The following E2F3 variants were observed in gnomAD, a reference collection of about 807,000 sequenced individuals.
E2F3 encodes the protein transcription factor E2F3.
E2F3 carries 11 observed loss-of-function variants against 44.4 expected under a neutral mutation model. That is an observed-to-expected ratio of 0.25 (90% CI 0.16 to 0.41). The LOEUF (loss-of-function observed/expected upper bound fraction) is 0.41. E2F3 is among the 10% of genes least tolerant of loss of function. E2F3 has a pLI of 1.00. For synonymous variants in E2F3, 249 were observed against 253.0 expected, an observed-to-expected ratio of 0.98 and a Z score of 0.15; for missense variants, 487 against 583.6, an observed-to-expected ratio of 0.83 and a Z score of 1.70.
intron 1 of E2F3, among the ~76,000 whole-genome samples, chr6:20,430,639 T>C (rs2127592999): frequency 6.6e-6 from 1 of 152,316 alleles, no homozygotes; most frequent in East Asian, 1.9e-4. Context: ...AAAAATCCTT[T>C]TTATGGGTTG....
intron 1 of E2F3, among the ~76,000 whole-genome samples, chr6:20,411,742 G>C (rs1368898478): frequency 6.6e-6 from 1 of 152,170 alleles, no homozygotes; most frequent in Non-Finnish European, 1.5e-5. Context: ...TCAAGGGAAG[G>C]CGTAGGCACA....
intron 1 of E2F3, among the ~76,000 whole-genome samples, chr6:20,465,586 C>T (rs1761674718): frequency 6.6e-6 from 1 of 152,098 alleles, no homozygotes; most frequent in African/African-American, 2.4e-5. Context: ...ACACTGCACC[C>T]AATTTGTAGT....
intron 1 of E2F3, among the ~76,000 whole-genome samples, chr6:20,405,902 A>T (rs2127583187): frequency 6.6e-6 from 1 of 152,280 alleles, no homozygotes; most frequent in East Asian, 1.9e-4. Context: ...CTGAATATAA[A>T]GTTTGATTTA....
chr6:20,462,668 G>C (rs532314561), intron 1 of E2F3, among the ~76,000 whole-genome samples: 9 of 151,870 alleles, frequency 5.9e-5, no homozygotes, highest in Non-Finnish European at 1.2e-4. Context: ...AGGTTGGTGA[G>C]GCTGGTCTTG....
rs770596374 is a variant in E2F3 at position 20,402,492 on chromosome 6, G to C, written c.260G>C (p.Ser87Thr). 3.1e-6 allele frequency: 5 copies of C among 1,606,606 alleles called. No homozygotes were observed. The East Asian group carries it at 9.0e-5, about 29-fold the overall frequency. Reference protein sequence around the residue: ...GAVAAGPLLPSAPGAEQTAGS... With the variant: ...GAVAAGPLLPTAPGAEQTAGS... ...GTAGCCGCCGGCCCCCTCCTCCCCAGTGCCCCCGGCGCGGAGCAGACCGCC... is the reference window on the plus strand; with the variant it reads ...GTAGCCGCCGGCCCCCTCCTCCCCACTGCCCCCGGCGCGGAGCAGACCGCC... The change falls in exon 1 of 7, where the codon AGT (serine) becomes ACT (threonine). Residue 87 changes from serine to threonine, a missense_variant. Coordinates refer to ENST00000346618, the MANE Select transcript of E2F3 (RefSeq NM_001949.5). The surrounding 1 kb of genome is among the most constrained non-coding windows in gnomAD (Gnocchi z 5.6).
At chr6:20,471,565 G>T (rs1581641295) in intron 1 of E2F3, among the ~76,000 whole-genome samples, 1 of 152,138 alleles carries the variant, frequency 6.6e-6, no homozygotes, top group Non-Finnish European at 1.5e-5. Flanking sequence ...TGGGCAAAAA[G>T]AGCGAAACTC....
At chr6:20,418,690 A>G (rs74499908) in intron 1 of E2F3, among the ~76,000 whole-genome samples, 1 of 152,024 alleles carries the variant, frequency 6.6e-6, no homozygotes, top group East Asian at 1.9e-4. Context: ...TGATCCCATT[A>G]GTACCTTCCA....
intron 2 of E2F3, 146 bp from the exon 3 acceptor site, chr6:20,481,060 C>T: frequency 1.4e-6 from 1 of 722,184 alleles, no homozygotes; most frequent in Admixed American, 2.9e-5. Context: ...TATGACTTGC[C>T]AACACCAACA....
At chr6:20,410,882 A>C (rs901755189) in intron 1 of E2F3, among the ~76,000 whole-genome samples, 1 of 152,208 alleles carries the variant, frequency 6.6e-6, no homozygotes, top group Non-Finnish European at 1.5e-5. Flanking sequence ...TCGGCCTCAC[A>C]ACGTGCTGGG....
intron 1 of E2F3, among the ~76,000 whole-genome samples, chr6:20,473,522 A>G (rs1270681179): frequency 6.6e-6 from 1 of 152,158 alleles, no homozygotes; most frequent in Non-Finnish European, 1.5e-5. Context: ...AATAATTAAT[A>G]CTAAAGGTCT....
At chr6:20,435,594 T>C (rs1235134630) in intron 1 of E2F3, among the ~76,000 whole-genome samples, 1 of 152,024 alleles carries the variant, frequency 6.6e-6, no homozygotes, top group East Asian at 1.9e-4. Flanking sequence ...TTACTAAAAA[T>C]ACAAACATTA....
At chr6:20,465,926 T>C (rs979159287) in intron 1 of E2F3, among the ~76,000 whole-genome samples, 1 of 152,214 alleles carries the variant, frequency 6.6e-6, no homozygotes, top group Non-Finnish European at 1.5e-5. Flanking sequence ...AAATATTTTT[T>C]TTGAATAATG....
chr6:20,466,380 T>C (rs1229795981), intron 1 of E2F3, among the ~76,000 whole-genome samples: 1 of 152,158 alleles, frequency 6.6e-6, no homozygotes, highest in Non-Finnish European at 1.5e-5. Flanking sequence ...CCCAAAATGC[T>C]GGCATTACAG....
chr6:20,457,038 G>A (rs376787218), intron 1 of E2F3, among the ~76,000 whole-genome samples: 5 of 152,252 alleles, frequency 3.3e-5, no homozygotes, highest in African/African-American at 4.8e-5. Flanking sequence ...AGGATCTGAC[G>A]TAGGTATGGC....
chr6:20,444,210 AG>A (rs1298500997), intron 1 of E2F3, among the ~76,000 whole-genome samples: 1 of 152,240 alleles, frequency 6.6e-6, no homozygotes, highest in East Asian at 1.9e-4. Context: ...ATAAAATAAT[AG>A]AATGCTCTTC....
chr6:20,430,391 A>G (rs1760361237), intron 1 of E2F3, among the ~76,000 whole-genome samples: 1 of 152,256 alleles, frequency 6.6e-6, no homozygotes, highest in African/African-American at 2.4e-5. Flanking sequence ...ATCTCCCTGC[A>G]TAACTTTATC....
intron 1 of E2F3, among the ~76,000 whole-genome samples, chr6:20,423,004 A>G (rs1760078453): frequency 6.6e-6 from 1 of 152,232 alleles, no homozygotes; most frequent in Non-Finnish European, 1.5e-5. Flanking sequence ...CAGTTTGTAA[A>G]ACACTGCAGT....
chr6:20,472,021 CT>C (rs962500809), intron 1 of E2F3, among the ~76,000 whole-genome samples: 14 of 128,740 alleles, frequency 1.1e-4, no homozygotes, highest in Non-Finnish European at 1.1e-4. Flanking sequence ...CCTGCCCCCC[CT>C]CCAACACACA....
chr6:20,457,078 G>A lies in E2F3; in HGVS notation c.394-22768G>A, dbSNP rs370826574. On this transcript the variant is annotated intron_variant, in intron 1 of 6. Coordinates refer to ENST00000346618, the MANE Select transcript of E2F3 (RefSeq NM_001949.5). Reference sequence around the variant, plus strand: ...GAGATGAAGAGAGTATTTCTCCTCCGCACCCCCTTTGCCTACACCTAGAAA... The same window carrying A: ...GAGATGAAGAGAGTATTTCTCCTCCACACCCCCTTTGCCTACACCTAGAAA... Among the ~76,000 whole-genome samples, 11 of 152,060 alleles carry A rather than the reference G, an allele frequency of 7.2e-5. No individual in the cohort carries two copies. The East Asian group carries it at 9.7e-4, about 13-fold the overall frequency.
Sources: allele counts gnomAD v4.1 joint callset (sites outside exome capture counted in the v4.1 genomes callset), GRCh38; gene constraint gnomAD v4.1.1; non-coding constraint Gnocchi (gnomAD v3.1); transcripts MANE v1.5; gene names NCBI Gene and HGNC (gene_info 2026-07-23, HGNC 2026-07-21).